SYNGR4: variants seen among roughly 807,000 people sequenced by gnomAD.
SYNGR4 encodes synaptogyrin 4.
SYNGR4 carries 15 observed loss-of-function variants against 15.5 expected under a neutral mutation model. The observed-to-expected ratio is 0.97, with a 90% CI of 0.65 to 1.49. The LOEUF (loss-of-function observed/expected upper bound fraction) is 1.49, where lower values mean the gene tolerates loss of function less well. SYNGR4 is among the 40% of genes most tolerant of loss of function. The pLI is 0.00. For missense variants in SYNGR4, 292 were observed against 299.3 expected (o/e 0.98, Z 0.18); for synonymous variants, 121 against 127.4 (o/e 0.95, Z 0.34).
chr19:48,364,275 T>G, upstream of SYNGR4: 1 of 346,068 alleles, frequency 2.9e-6, no homozygotes, highest in Non-Finnish European at 5.3e-6. Context: ...AGCTCCTGAG[T>G]AGGCGGAAAG....
At chr19:48,374,871 G>A (rs1213957167) in intron 3 of SYNGR4, among the ~76,000 whole-genome samples, 2 of 151,894 alleles carry the variant, frequency 1.3e-5, no homozygotes, top group Non-Finnish European at 2.9e-5. Flanking sequence ...AGCTACTCGG[G>A]AGGCTGAGGC....
intron 2 of SYNGR4, among the ~76,000 whole-genome samples, chr19:48,371,884 T>A (rs1970313841): frequency 6.6e-6 from 1 of 151,112 alleles, no homozygotes; most frequent in Non-Finnish European, 1.5e-5. Flanking sequence ...CTTGGCCTTT[T>A]GTTTGTTTGT....
intron 1 of SYNGR4, 140 bp from the exon 2 acceptor site, chr19:48,365,596 C>T (rs1970197749): frequency 3.8e-6 from 2 of 521,616 alleles, no homozygotes; most frequent in South Asian, 2.1e-5. Flanking sequence ...TCCTAAGAGG[C>T]TCAGCAGTCC....
chr19:48,372,721 G>A (rs1367396266), intron 2 of SYNGR4, among the ~76,000 whole-genome samples: 3 of 152,094 alleles, frequency 2.0e-5, no homozygotes, highest in African/African-American at 2.4e-5. Context: ...ACAAAATCCC[G>A]AAGCCAAAAA....
At chr19:48,364,564 A>T (rs1453094823) in intron 1 of SYNGR4, 27 bp downstream of exon 1, 2 of 152,174 alleles carry the variant, frequency 1.3e-5, no homozygotes, top group Non-Finnish European at 2.9e-5. Flanking sequence ...GCGTGGCCTC[A>T]TTCTGAGGTT....
chr19:48,365,977 G>C, intron 2 of SYNGR4, 42 bp downstream of exon 2: 1 of 1,597,592 alleles, frequency 6.3e-7, no homozygotes, highest in Non-Finnish European at 8.6e-7. Context: ...TGGGTGACAG[G>C]AGCCAGGAGC....
rs1403393882 is a variant in SYNGR4, at chr19:48,364,432, A to G, written c.-213A>G. The G allele has an allele frequency of 6.3e-6, 1 of 158,788 alleles. No individual in the cohort carries two copies. Among genetic ancestry groups the G allele is most frequent in the African/African-American group, 2.4e-5 (1 of 41,546 alleles). 9.8% of individuals were successfully genotyped at this position (158,788 alleles called of 1,614,324 possible). A position where few individuals can be genotyped will look rare whatever the true frequency, so the allele number is the denominator to read the frequency against. ...GGAAGGGCGGGCCCTCAGGTGACGC[A>G]GATTGGCCCTCCAGAGAAGGGGCGG... On this transcript the variant is annotated 5_prime_UTR_variant, in exon 1 of 5. Transcript: ENST00000344846.
At chr19:48,365,138 C>T (rs1041388244) in intron 1 of SYNGR4, among the ~76,000 whole-genome samples, 2 of 151,356 alleles carry the variant, frequency 1.3e-5, no homozygotes, top group African/African-American at 4.9e-5. Flanking sequence ...ACTCTCTCAT[C>T]CTGCACCTCC....
intron 3 of SYNGR4, among the ~76,000 whole-genome samples, chr19:48,374,288 C>T (rs556062500): frequency 6.6e-6 from 1 of 152,200 alleles, no homozygotes; most frequent in East Asian, 1.9e-4. Context: ...AGTGTGTTAG[C>T]CAGGATGGTC....
chr19:48,368,736 G>A (rs1473604112), intron 2 of SYNGR4, among the ~76,000 whole-genome samples: 2 of 152,338 alleles, frequency 1.3e-5, no homozygotes, highest in East Asian at 3.9e-4. Context: ...GAGGGCCTAG[G>A]ATGATTGAGA....
intron 2 of SYNGR4, among the ~76,000 whole-genome samples, chr19:48,367,302 A>G (rs113259248): frequency 0.025 from 3,841 of 151,904 alleles, 72 homozygotes; most frequent in Middle Eastern, 0.11. Context: ...GTGTGGTGGC[A>G]GGCGCCTGTG....
intron 3 of SYNGR4, among the ~76,000 whole-genome samples, chr19:48,374,837 A>G (rs1406697576): frequency 6.6e-6 from 1 of 151,876 alleles, no homozygotes. Context: ...TTAGCTGGGC[A>G]GGGAGGCGAG....
chr19:48,368,668 C>A (rs1970256289), intron 2 of SYNGR4, among the ~76,000 whole-genome samples: 2 of 152,130 alleles, frequency 1.3e-5, no homozygotes, highest in South Asian at 4.1e-4. Context: ...GCGTGAGCCA[C>A]CGCACCCAGG....
chr19:48,374,070 A>ATC (rs1221143541), intron 3 of SYNGR4, among the ~76,000 whole-genome samples: 1 of 143,916 alleles, frequency 6.9e-6, no homozygotes, highest in Non-Finnish European at 1.5e-5. Flanking sequence ...TTTACAGAAA[A>ATC]TCTCTCTTTT....
chr19:48,373,667 G>A lies in SYNGR4; in HGVS notation c.244G>A (p.Ala82Thr). The A allele has an allele frequency of 6.2e-7, 1 of 1,613,836 alleles. No individual in the cohort carries two copies. Residue 82 changes from alanine (A) to threonine (T), a missense_variant, in exon 3 of 5, where the codon GCC becomes ACC. Transcript: ENST00000344846. ...AGFLAFLSCLAFLVLDTQETR... is the reference protein window; with the variant it reads ...AGFLAFLSCLTFLVLDTQETR... ...CTTCCTGGCCTTCCTCAGCTGCCTG[G>A]CCTTCCTCGTCCTGGACACACAGGA...
At chr19:48,373,171 T>A in intron 2 of SYNGR4, 1 of 298,982 alleles carries the variant, frequency 3.3e-6, no homozygotes, top group Non-Finnish European at 6.6e-6. Flanking sequence ...GACTCAGTCC[T>A]GAGGCACTGG....
rs1197949149 is a variant in SYNGR4 at position 48,376,089 on chromosome 19, T to A, written c.476T>A (p.Phe159Tyr). The A allele has an allele frequency of 6.2e-7, 1 of 1,614,044 alleles. No individual in the cohort carries two copies. The highest frequency in any genetic ancestry group is 8.5e-7 in the Non-Finnish European group (1 of 1,180,038). ...FTFFSILVWI[F>Y]QAYLAFQDLR... The stretch of plus-strand genomic sequence containing the variant: ...CACGCGCTTTTCTGCCCACAGATAT[T>A]CCAGGCCTACCTGGCATTCCAGGAC... The change falls in exon 5 of 5, where the codon TTC becomes TAC. Residue 159 changes from phenylalanine to tyrosine, a missense_variant. Physicochemically the swap from Phe to Tyr is conservative, Grantham distance 22. Coordinates refer to ENST00000344846, the MANE Select transcript of SYNGR4 (RefSeq NM_012451.4).
chr19:48,369,868 C>G (rs1247592964), intron 2 of SYNGR4, among the ~76,000 whole-genome samples: 1 of 152,184 alleles, frequency 6.6e-6, no homozygotes. Context: ...AGTTCTTCTG[C>G]TCCAAAATAG....
Position 48,373,555 on chromosome 19 carries a change from C to T in SYNGR4, c.132C>T (p.Asp44=), listed in dbSNP as rs143955794. 62 of 1,613,836 alleles carry T rather than the reference C, an allele frequency of 3.8e-5. No homozygotes were observed. The African/African-American group carries it at 4.5e-4, about 12-fold the overall frequency. ...SLIVFSSLLT[D]GYQNKMESPQ... ...TCGTCTTCTCCTCCCTGCTGACCGA[C>T]GGCTACCAGAACAAGATGGAGTCTC... The change falls in exon 3 of 5, where the codon GAC becomes GAT. Residue 44 remains aspartate, a synonymous_variant. Coordinates refer to ENST00000344846, the MANE Select transcript of SYNGR4 (RefSeq NM_012451.4).
Sources: gnomAD v4.1 joint callset for allele counts (sites outside exome capture counted in the v4.1 genomes callset) on GRCh38, gnomAD v4.1.1 for gene constraint, MANE v1.5 for transcripts, NCBI Gene and HGNC (gene_info 2026-07-23, HGNC 2026-07-21) for gene names.